The following KIAA1614 variants were observed in gnomAD, a reference collection of about 807,000 sequenced individuals.
KIAA1614 encodes uncharacterized protein KIAA1614.
In KIAA1614, 76 loss-of-function variants were observed where a neutral mutation model predicts 88.7. The ratio of observed to expected loss-of-function variants is 0.86; its 90% confidence interval spans 0.71 to 1.04. The LOEUF (loss-of-function observed/expected upper bound fraction) is 1.04. Ranked by LOEUF, KIAA1614 falls within the 50% of genes least tolerant of loss-of-function variation. The probability of loss-of-function intolerance (pLI) is 0.00; values close to 1 mark genes in which losing one functional copy is unlikely to be tolerated. For synonymous variants in KIAA1614, 714 were observed against 675.5 expected, an observed-to-expected ratio of 1.06 and a Z score of -0.88; for missense variants, 1,553 against 1,582.5, an observed-to-expected ratio of 0.98 and a Z score of 0.32.
chr1:180,941,062 G>A lies in KIAA1614; in HGVS notation c.2936G>A (p.Gly979Asp). Residue 979 changes from glycine to aspartate, a missense_variant, in exon 7 of 9, where the codon GGC becomes GAC. Transcript: ENST00000367588. Reference protein sequence around the residue: ...HVLSRASAGAGTGPGSPSAAP... With the variant: ...HVLSRASAGADTGPGSPSAAP... ...TGTTTCAGAGCATCAGCAGGAGCTG[G>A]CACAGGACCCGGCTCCCCCTCGGCT... 1 of 1,606,476 alleles carries A rather than the reference G, an allele frequency of 6.2e-7. No homozygotes were observed.
At chr1:180,928,184 G>T in intron 3 of KIAA1614, 1 of 415,850 alleles carries the variant, frequency 2.4e-6, no homozygotes, top group South Asian at 6.4e-5. Context: ...TGCCTGAGCA[G>T]ATGTCCAAGG....
chr1:180,943,548 A>ATTTTTTTTTTTTTTTGTTTTTTTT (rs201999726), intron 7 of KIAA1614, among the ~76,000 whole-genome samples: 1 of 74,862 alleles, frequency 1.3e-5, no homozygotes, highest in Non-Finnish European at 2.5e-5. Flanking sequence ...ATGGTAGTAG[A>ATTTTTTTTTTTTTTTGTTTTTTTT]TCTTTTTTTT....
chr1:180,916,547 T>G lies in KIAA1614; in HGVS notation c.444T>G (p.Pro148=), dbSNP rs368904135. The G allele has an allele frequency of 2.5e-6, 4 of 1,612,922 alleles. No homozygotes were observed. The South Asian group carries it at 4.4e-5, about 18-fold the overall frequency. ...AVVAPRTQNL[P]DGQLDGSINE... ...TGGCTCCTCGTACCCAAAACCTGCCTGATGGGCAGCTGGACGGCAGCATCA... is the reference window on the plus strand; with the variant it reads ...TGGCTCCTCGTACCCAAAACCTGCCGGATGGGCAGCTGGACGGCAGCATCA... Residue 148 remains proline (P), a synonymous_variant, in exon 2 of 9, where the codon CCT becomes CCG. Coordinates refer to ENST00000367588, the MANE Select transcript of KIAA1614 (RefSeq NM_020950.2).
chr1:180,947,951 T>C lies in KIAA1614; in HGVS notation c.*2363T>C, dbSNP rs1013738664. ...ATGTGAGTGCACACACAACAGGTCA[T>C]TGTACTCTGCCGCCCACCCTCCCCC... On this transcript the variant is annotated 3_prime_UTR_variant, in exon 9 of 9. Coordinates refer to ENST00000367588, the MANE Select transcript of KIAA1614 (RefSeq NM_020950.2). 1 of 152,270 alleles carries C rather than the reference T, an allele frequency of 6.6e-6. No homozygotes were observed. Among genetic ancestry groups the C allele is most frequent in the Non-Finnish European group, 1.5e-5 (1 of 68,080 alleles). 9.4% of individuals were successfully genotyped at this position (152,270 alleles called of 1,614,324 possible).
chr1:180,941,021 CT>C, intron 6 of KIAA1614, 23 bp from the exon 7 acceptor site: 1 of 1,474,116 alleles, frequency 6.8e-7, no homozygotes, highest in Non-Finnish European at 9.1e-7. Context: ...CCCCCGCCCC[CT>C]CACCTCCACC....
intron 3 of KIAA1614, among the ~76,000 whole-genome samples, chr1:180,924,925 G>T (rs1654036358): frequency 3.5e-5 from 1 of 28,930 alleles, no homozygotes; most frequent in South Asian, 1.6e-3. Context: ...AACATTTGTG[G>T]ACTCTTACCA....
chr1:180,918,354 T>A lies in KIAA1614; in HGVS notation c.1061+440T>A, dbSNP rs189117831. Among the ~76,000 whole-genome samples the A allele has an allele frequency of 2.0e-3, 308 of 152,344 alleles. 1 individual carries two copies. Among genetic ancestry groups the A allele is most frequent in the African/African-American group, 7.2e-3 (300 of 41,572 alleles). On this transcript the variant is annotated intron_variant, in intron 3 of 8. Coordinates refer to ENST00000367588, the MANE Select transcript of KIAA1614 (RefSeq NM_020950.2). Reference sequence around the variant, plus strand: ...TCCGTTCCCAGTCAAGAGGTTGTGCTGGGATCATGTCAAAGATTTCACCTC... The same window carrying A: ...TCCGTTCCCAGTCAAGAGGTTGTGCAGGGATCATGTCAAAGATTTCACCTC...
rs1159182094 is a variant in KIAA1614 at position 180,936,542 on chromosome 1, CCAA to C, written c.2638_2640del (p.Asn880del). 6.2e-7 allele frequency: 1 copy of C among 1,614,072 alleles called. No individual in the cohort carries two copies. Among genetic ancestry groups the C allele is most frequent in the African/African-American group, 1.3e-5 (1 of 75,050 alleles). On this transcript the variant is annotated inframe_deletion, in exon 5 of 9. Transcript: ENST00000367588. ...AGGCACCCACTGCTGGCCCTGTCCA[CCAA>C]CAACTGCAACAACAGCGCACCTCGG...
Position 180,926,208 on chromosome 1 carries a change from G to A in KIAA1614, c.1062-2222G>A, listed in dbSNP as rs58172825. 1.0e-2 allele frequency among the ~76,000 whole-genome samples: 1,516 copies of A among 152,320 alleles called. 31 individuals carry two copies. The highest frequency in any genetic ancestry group is 0.034 in the African/African-American group (1,406 of 41,572). ...CTCTGGGAGCTGGGAGGTGGGCAGT[G>A]AGATGGGACAGACTCAGCACCCACC... is the stretch of plus-strand genomic sequence containing the variant. On this transcript the variant is annotated intron_variant, in intron 3 of 8. Coordinates refer to ENST00000367588, the MANE Select transcript of KIAA1614 (RefSeq NM_020950.2).
rs368679875 is a variant in KIAA1614 at position 180,917,055 on chromosome 1, G to A, written c.952G>A (p.Val318Met). The A allele has an allele frequency of 9.9e-6, 16 of 1,613,600 alleles. No homozygotes were observed. In the African/African-American group the frequency reaches 1.7e-4, roughly 17 times the overall value. ...LNVSGQSPRK[V>M]GTPAWTPSWD... is the part of the protein sequence containing the mutation. ...CGTTTCTGGGCAGAGCCCCCGCAAG[G>A]TGGGAACCCCTGCCTGGACTCCATC... Residue 318 changes from valine (V) to methionine (M), a missense_variant, in exon 2 of 9, where the codon GTG (valine) becomes ATG (methionine). Transcript: ENST00000367588.
In KIAA1614 at chr1:180,916,626, C is replaced by T. The variant is rs749823932; in HGVS notation, c.523C>T (p.Pro175Ser). 4 of 1,601,878 alleles carry T rather than the reference C, an allele frequency of 2.5e-6. No individual in the cohort carries two copies. In the African/African-American group the frequency reaches 5.4e-5, roughly 21 times the overall value. The change falls in exon 2 of 9, where the codon CCT (proline) becomes TCT (serine). Residue 175 changes from proline (P) to serine (S), a missense_variant. Physicochemically the swap from Pro to Ser is moderately conservative, Grantham distance 74 (BLOSUM62 -1). Transcript: ENST00000367588. ...CCCCAGGCTTCCCAGGCCGCCTGCC[C>T]CTGGACGTGAGTACTGCAACAGGGG... ...GGPRLPRPPA[P>S]GREYCNRGSP...
At chr1:180,930,656 A>G (rs1031529775) in intron 4 of KIAA1614, among the ~76,000 whole-genome samples, 7 of 152,022 alleles carry the variant, frequency 4.6e-5, no homozygotes, top group Non-Finnish European at 8.8e-5. Context: ...GCTCACAACA[A>G]CCCCAATCAC....
intron 3 of KIAA1614, among the ~76,000 whole-genome samples, chr1:180,924,886 A>AAATAATAATAAT (rs10522338): frequency 0.12 from 17,275 of 142,552 alleles, 2,655 homozygotes; most frequent in African/African-American, 0.36. Flanking sequence ...GCTAATGATA[A>AAATAATAATAAT]AATAATAATA....
At position 180,936,007 on chromosome 1, in the gene KIAA1614, A is replaced by G. The variant is rs965614040; in HGVS notation, c.2098A>G (p.Thr700Ala). 3 of 1,613,730 alleles carry G rather than the reference A, an allele frequency of 1.9e-6. No individual in the cohort carries two copies. The highest frequency in any genetic ancestry group is 1.6e-4 in the Middle Eastern group (1 of 6,084). The change falls in exon 5 of 9, where the codon ACT (threonine) becomes GCT (alanine). Residue 700 changes from threonine to alanine, a missense_variant. Thr to Ala is a moderately conservative substitution (Grantham distance 58). Coordinates refer to ENST00000367588, the MANE Select transcript of KIAA1614 (RefSeq NM_020950.2). ...KEGRGHTPEG[T>A]LFLREDAKPP... The stretch of plus-strand genomic sequence containing the variant: ...GGGCAGAGGACACACGCCTGAAGGA[A>G]CTCTATTTTTGAGAGAAGATGCCAA...
At chr1:180,920,287 A>C (rs564068837) in intron 3 of KIAA1614, among the ~76,000 whole-genome samples, 1 of 152,332 alleles carries the variant, frequency 6.6e-6, no homozygotes, top group Non-Finnish European at 1.5e-5. Flanking sequence ...GAACTTCCCA[A>C]GAGACCTCTG....
intron 4 of KIAA1614, among the ~76,000 whole-genome samples, chr1:180,932,257 G>A (rs1169947314): frequency 1.3e-5 from 2 of 152,202 alleles, no homozygotes; most frequent in African/African-American, 2.4e-5. Context: ...CTTCAGCAGC[G>A]GGGTGTCCTG....
chr1:180,943,667 C>A (rs893511882), intron 7 of KIAA1614, among the ~76,000 whole-genome samples: 2 of 150,218 alleles, frequency 1.3e-5, no homozygotes, highest in Non-Finnish European at 2.9e-5. Flanking sequence ...CCTGCTTCAG[C>A]CTCCTGAGTA....
intron 4 of KIAA1614, among the ~76,000 whole-genome samples, chr1:180,928,854 T>C (rs1291535460): frequency 4.6e-5 from 7 of 152,202 alleles, no homozygotes; most frequent in African/African-American, 1.7e-4. Context: ...CAAACAGATA[T>C]TCAATTATGT....
chr1:180,932,346 CT>C (rs1477834548), intron 4 of KIAA1614, among the ~76,000 whole-genome samples: 3 of 151,962 alleles, frequency 2.0e-5, no homozygotes, highest in Non-Finnish European at 4.4e-5. Flanking sequence ...GCCCTAGGCA[CT>C]TTTGCCTTCG....
Sources: allele counts gnomAD v4.1 joint callset (sites outside exome capture counted in the v4.1 genomes callset), GRCh38; gene constraint gnomAD v4.1.1; transcripts MANE v1.5; gene names NCBI Gene and HGNC (gene_info 2026-07-23, HGNC 2026-07-21).